LTBP1: variants seen among roughly 807,000 people sequenced by gnomAD.
LTBP1 encodes latent-transforming growth factor beta-binding protein 1.
LTBP1 carries 129 observed loss-of-function variants against 207.6 expected under a neutral mutation model. That is an observed-to-expected ratio of 0.62 (90% CI 0.54 to 0.72). The LOEUF (loss-of-function observed/expected upper bound fraction) is 0.72, where lower values mean the gene tolerates loss of function less well. LTBP1 is among the 30% of genes least tolerant of loss of function. The pLI, the probability that LTBP1 is intolerant of heterozygous loss-of-function variation, is 0.00. For missense variants in LTBP1, 2,281 were observed against 2,217.2 expected (o/e 1.03, Z -0.58); for synonymous variants, 963 against 833.7 (o/e 1.16, Z -2.67).
At chr2:33,037,528 C>T (rs1348642529) in intron 3 of LTBP1, among the ~76,000 whole-genome samples, 1 of 151,922 alleles carries the variant, frequency 6.6e-6, no homozygotes, top group Non-Finnish European at 1.5e-5. Context: ...TATTTTTGAC[C>T]TCTTTCTACA....
rs1458348979 is a variant in LTBP1 at position 33,361,288 on chromosome 2, A to G, written c.4184-141A>G. ...CATTAGATTTCTTTGCACTTAATCCATCATTTTTTGAGATTGTACTAAATT... is the reference window on the plus strand; with the variant it reads ...CATTAGATTTCTTTGCACTTAATCCGTCATTTTTTGAGATTGTACTAAATT... On this transcript the variant is annotated intron_variant, in intron 27 of 33. Coordinates refer to ENST00000404816, the MANE Select transcript of LTBP1 (RefSeq NM_206943.4). The G allele has an allele frequency of 7.2e-6, 4 of 555,276 alleles. No individual in the cohort carries two copies. In the Admixed American group the frequency reaches 1.0e-4, roughly 14 times the overall value. 34.4% of individuals were successfully genotyped at this position (555,276 alleles called of 1,614,324 possible).
At chr2:33,047,079 A>AT (rs749409976) in intron 3 of LTBP1, among the ~76,000 whole-genome samples, 9 of 152,058 alleles carry the variant, frequency 5.9e-5, no homozygotes, top group East Asian at 5.8e-4. Flanking sequence ...GGATTCATTG[A>AT]TTTTTTGAAG....
At chr2:33,383,222 G>A (rs1383465409) in intron 31 of LTBP1, among the ~76,000 whole-genome samples, 21 of 152,224 alleles carry the variant, frequency 1.4e-4, no homozygotes, top group Admixed American at 7.2e-4. Context: ...GCATGGTGGC[G>A]CACATCTGTA....
chr2:32,956,900 G>A lies in LTBP1; in HGVS notation c.565+7955G>A, dbSNP rs538232722. On this transcript the variant is annotated intron_variant, in intron 2 of 33. Coordinates refer to ENST00000404816, the MANE Select transcript of LTBP1 (RefSeq NM_206943.4). The stretch of plus-strand genomic sequence containing the variant: ...GCATGAAAATGACGTTAATCTCCAC[G>A]TACATCTCCATCACAGCTTACAGGT... 1.8e-4 allele frequency among the ~76,000 whole-genome samples: 28 copies of A among 152,294 alleles called. No homozygotes were observed. The South Asian group carries it at 5.0e-3, about 27-fold the overall frequency.
intron 5 of LTBP1, among the ~76,000 whole-genome samples, chr2:33,138,489 C>T (rs2150684011): frequency 6.6e-6 from 1 of 152,138 alleles, no homozygotes; most frequent in African/African-American, 2.4e-5. Context: ...TGCCCCACCC[C>T]TGCCTTTTTA....
chr2:33,301,769 A>G lies in LTBP1; in HGVS notation c.3481+125A>G, dbSNP rs539675206. On this transcript the variant is annotated intron_variant, in intron 22 of 33. Coordinates refer to ENST00000404816, the MANE Select transcript of LTBP1 (RefSeq NM_206943.4). ...CATAGTGAAGACATTAGGTCCCTGC[A>G]AAGTGTCTTCCCCGGGGTCACACAA... is the stretch of plus-strand genomic sequence containing the variant. 12 of 807,366 alleles carry G rather than the reference A, an allele frequency of 1.5e-5. No individual in the cohort carries two copies. The South Asian group carries it at 3.0e-4, about 20-fold the overall frequency. The allele number at this position is 807,366 out of a possible 1,614,324, so 50.0% of individuals were successfully genotyped here. A position where few individuals can be genotyped will look rare whatever the true frequency, so the allele number is the denominator to read the frequency against.
At chr2:33,299,916 A>G (rs796532609) in intron 20 of LTBP1, among the ~76,000 whole-genome samples, 3 of 152,338 alleles carry the variant, frequency 2.0e-5, no homozygotes, top group African/African-American at 7.2e-5. Context: ...TCATAATACT[A>G]CCATTTCTCT....
At chr2:33,127,404 A>G (rs941188797) in intron 4 of LTBP1, among the ~76,000 whole-genome samples, 3 of 152,138 alleles carry the variant, frequency 2.0e-5, no homozygotes, top group African/African-American at 7.2e-5. Flanking sequence ...CAGTTGTTTG[A>G]GTAAAAGTCA....
intron 22 of LTBP1, among the ~76,000 whole-genome samples, chr2:33,305,749 G>A (rs886676403): frequency 6.6e-6 from 1 of 152,156 alleles, no homozygotes; most frequent in African/African-American, 2.4e-5. Context: ...GTGAGGAAAT[G>A]GGTAAGAACC....
chr2:33,087,381 A>G (rs763269433), intron 3 of LTBP1, among the ~76,000 whole-genome samples: 5 of 151,964 alleles, frequency 3.3e-5, no homozygotes, highest in Non-Finnish European at 7.4e-5. Flanking sequence ...CTTATGTTCT[A>G]TTTACCTTTA....
rs553925586 is a variant in LTBP1, at chr2:33,125,772, G to C, written c.1034-9021G>C. 2.6e-5 allele frequency among the ~76,000 whole-genome samples: 4 copies of C among 151,008 alleles called. No individual in the cohort carries two copies. In the East Asian group the frequency reaches 7.8e-4, roughly 30 times the overall value. Reference sequence around the variant, plus strand: ...TTGAACCCGGGAGGTGGAGGTTGCAGTGAGCCGAGATGGTGCTACTGCACT... The same window carrying C: ...TTGAACCCGGGAGGTGGAGGTTGCACTGAGCCGAGATGGTGCTACTGCACT... On this transcript the variant is annotated intron_variant, in intron 4 of 33. Coordinates refer to ENST00000404816, the MANE Select transcript of LTBP1 (RefSeq NM_206943.4).
intron 4 of LTBP1, among the ~76,000 whole-genome samples, chr2:33,122,365 T>C (rs544450645): frequency 5.7e-4 from 87 of 152,294 alleles, no homozygotes; most frequent in African/African-American, 2.0e-3. Flanking sequence ...ATGATAACTA[T>C]TGTAATCAGA....
Position 33,016,601 on chromosome 2 carries a change from C to G in LTBP1, c.566-4308C>G, listed in dbSNP as rs995905032. On this transcript the variant is annotated intron_variant, in intron 2 of 33. Coordinates refer to ENST00000404816, the MANE Select transcript of LTBP1 (RefSeq NM_206943.4). The stretch of plus-strand genomic sequence containing the variant: ...GTACAGCCAAGCCTGAGAACCACCG[C>G]CCAATCCACTGATAAGATCTTGATA... 3.3e-5 allele frequency among the ~76,000 whole-genome samples: 5 copies of G among 152,250 alleles called. 1 individual carries two copies. The East Asian group carries it at 7.7e-4, about 24-fold the overall frequency.
At chr2:32,960,108 A>G (rs1678849482) in intron 2 of LTBP1, among the ~76,000 whole-genome samples, 1 of 152,196 alleles carries the variant, frequency 6.6e-6, no homozygotes, top group South Asian at 2.1e-4. Flanking sequence ...TTCAAGGGTG[A>G]GGATACTCCT....
At chr2:33,210,561 T>C (rs2090236593) in intron 7 of LTBP1, among the ~76,000 whole-genome samples, 1 of 152,250 alleles carries the variant, frequency 6.6e-6, no homozygotes, top group Non-Finnish European at 1.5e-5. Flanking sequence ...ATAAACTTTT[T>C]TGCTTTGAGA....
chr2:33,134,539 A>G lies in LTBP1; in HGVS notation c.1034-254A>G, dbSNP rs1196515404. On this transcript the variant is annotated intron_variant, in intron 4 of 33. Transcript: ENST00000404816. The surrounding 1 kb of genome is among the most constrained non-coding windows in gnomAD (Gnocchi z 4.4). ...TCCCACTCCAGTGACTCGACTTCAA[A>G]TGTGGTTTTGGAGTGCATCCCAGAG... is the stretch of plus-strand genomic sequence containing the variant. 6 of 1,514,354 alleles carry G rather than the reference A, an allele frequency of 4.0e-6. No homozygotes were observed. The highest frequency in any genetic ancestry group is 4.4e-6 in the Non-Finnish European group (5 of 1,123,734). 93.8% of individuals were successfully genotyped at this position (1,514,354 alleles called of 1,614,324 possible). A position where few individuals can be genotyped will look rare whatever the true frequency, so the allele number is the denominator to read the frequency against.
At chr2:33,128,959 A>G (rs2081601855) in intron 4 of LTBP1, among the ~76,000 whole-genome samples, 2 of 152,164 alleles carry the variant, frequency 1.3e-5, no homozygotes, top group Non-Finnish European at 2.9e-5. Context: ...AGGAACAGAG[A>G]AGGGATTGCC....
At chr2:33,138,949 C>T (rs1046427413) in intron 5 of LTBP1, among the ~76,000 whole-genome samples, 24 of 147,100 alleles carry the variant, frequency 1.6e-4, no homozygotes, top group Non-Finnish European at 2.2e-4. Flanking sequence ...AGCTCCGCCT[C>T]CCGGGTTCAC....
At chr2:33,175,917 A>G (rs539791884) in intron 5 of LTBP1, among the ~76,000 whole-genome samples, 13 of 114,724 alleles carry the variant, frequency 1.1e-4, no homozygotes, top group African/African-American at 3.5e-4. Context: ...AGAAAACCAG[A>G]CACCGCATAT....
Sources: gnomAD v4.1 joint callset for allele counts (sites outside exome capture counted in the v4.1 genomes callset) on GRCh38, gnomAD v4.1.1 for gene constraint, Gnocchi (gnomAD v3.1) non-coding constraint, MANE v1.5 for transcripts, NCBI Gene and HGNC (gene_info 2026-07-23, HGNC 2026-07-21) for gene names.